GRK4: variants seen among roughly 807,000 people sequenced by gnomAD.
GRK4 encodes G protein-coupled receptor kinase 2-like.
GRK4 carries 73 observed loss-of-function variants against 77.9 expected under a neutral mutation model. The ratio of observed to expected loss-of-function variants is 0.94; its 90% CI spans 0.78 to 1.14. The LOEUF (loss-of-function observed/expected upper bound fraction) is 1.14, where lower values mean the gene tolerates loss of function less well. Ranked by LOEUF, GRK4 falls within the 50% of genes most tolerant of loss-of-function variation. The pLI, the probability that GRK4 is intolerant of heterozygous loss-of-function variation, is 0.00. For missense variants in GRK4, 729 were observed against 700.2 expected, an observed-to-expected ratio of 1.04 and a Z score of -0.46; for synonymous variants, 257 against 254.4, an observed-to-expected ratio of 1.01 and a Z score of -0.10.
At chr4:3,038,114 G>A (rs1035991598) in intron 14 of GRK4, among the ~76,000 whole-genome samples, 4 of 152,176 alleles carry the variant, frequency 2.6e-5, no homozygotes, top group Non-Finnish European at 4.4e-5. Context: ...CCTAAGCAGG[G>A]CTGGCTGGCA....
intron 1 of GRK4, among the ~76,000 whole-genome samples, chr4:2,972,480 G>C (rs1033672732): frequency 6.6e-6 from 1 of 152,160 alleles, no homozygotes; most frequent in Non-Finnish European, 1.5e-5. Flanking sequence ...CTGAATGAGG[G>C]GTAGAGTGGC....
rs55673089 is a variant in GRK4 at position 3,001,369 on chromosome 4, ATT to A, written c.340-2849_340-2848del. ...CACACACACACATATATATATATAT[ATT>A]TTTTTTTTTTTTGAGATGGAGTTTC... On this transcript the variant is annotated intron_variant, in intron 4 of 15. Transcript: ENST00000398052. Among the ~76,000 whole-genome samples, 188 of 76,932 alleles carry A rather than the reference ATT, an allele frequency of 2.4e-3. 4 individuals carry two copies. The highest frequency in any genetic ancestry group is 4.8e-3 in the African/African-American group (77 of 16,010). 50.5% of individuals were successfully genotyped at this position (76,932 alleles called of 152,430 possible). A position where few individuals can be genotyped will look rare whatever the true frequency, so the allele number is the denominator to read the frequency against.
Position 3,022,435 on chromosome 4 carries a change from T to C in GRK4, c.954T>C (p.Ile318=). Residue 318 remains isoleucine, a synonymous_variant, in exon 10 of 16, where the codon ATT becomes ATC. Transcript: ENST00000398052. ...IVYRDLKPEN[I]LLDDRGHIRI... ...GTAGAGACTTGAAGCCTGAGAATAT[T>C]CTCCTTGATGATCGTGGTAAGTGGG... 1 of 1,614,008 alleles carries C rather than the reference T, an allele frequency of 6.2e-7. No homozygotes were observed. Among genetic ancestry groups the C allele is most frequent in the Non-Finnish European group, 8.5e-7 (1 of 1,179,984 alleles).
At chr4:3,037,083 A>G (rs2071690) in intron 13 of GRK4, among the ~76,000 whole-genome samples, 240 of 139,746 alleles carry the variant, frequency 1.7e-3, no homozygotes, top group South Asian at 3.7e-3. Context: ...GTGTGTGTGT[A>G]TGTGTGTGTG....
chr4:3,015,898 A>ATCTC (rs1293547218), intron 8 of GRK4, among the ~76,000 whole-genome samples: 1 of 131,528 alleles, frequency 7.6e-6, no homozygotes, highest in Non-Finnish European at 1.6e-5. Flanking sequence ...ACATAGGGAG[A>ATCTC]CCCCCATCAC....
At chr4:3,015,633 CCACTG>C (rs1734222603) in intron 8 of GRK4, among the ~76,000 whole-genome samples, 2 of 150,664 alleles carry the variant, frequency 1.3e-5, no homozygotes, top group Non-Finnish European at 3.0e-5. Context: ...CAAGATCACG[CCACTG>C]CACTCCAGCC....
At chr4:3,014,492 T>G (rs1369091064) in intron 8 of GRK4, among the ~76,000 whole-genome samples, 1 of 151,748 alleles carries the variant, frequency 6.6e-6, no homozygotes, top group Non-Finnish European at 1.5e-5. Flanking sequence ...TTATTCTTAT[T>G]TTTTAGAGAT....
At chr4:2,990,414 A>G (rs1418604417) in intron 3 of GRK4, among the ~76,000 whole-genome samples, 1 of 151,596 alleles carries the variant, frequency 6.6e-6, no homozygotes, top group Admixed American at 6.6e-5. Flanking sequence ...GTGCCACCAC[A>G]CCCAACTAAT....
intron 15 of GRK4, 148 bp from the exon 16 acceptor site, chr4:3,040,424 G>C: frequency 1.7e-6 from 1 of 594,818 alleles, no homozygotes; most frequent in Non-Finnish European, 2.9e-6. Flanking sequence ...CTGGGCGACA[G>C]AGTGAGACTA....
intron 10 of GRK4, among the ~76,000 whole-genome samples, chr4:3,026,567 A>G (rs1737637485): frequency 6.6e-6 from 1 of 152,164 alleles, no homozygotes; most frequent in Non-Finnish European, 1.5e-5. Flanking sequence ...CTGTCTCTAC[A>G]AAAGAAAAGA....
intron 5 of GRK4, among the ~76,000 whole-genome samples, chr4:3,006,295 G>A (rs868169323): frequency 2.7e-5 from 4 of 149,894 alleles, no homozygotes; most frequent in Admixed American, 6.7e-5. Flanking sequence ...CGGGAGAATC[G>A]CCTGAACCCA....
At chr4:3,004,199 A>G in intron 4 of GRK4, 32 bp from the exon 5 acceptor site, 1 of 1,381,300 alleles carries the variant, frequency 7.2e-7, no homozygotes, top group Non-Finnish European at 1.0e-6. Context: ...GAAATCACTA[A>G]TGGTTATGTA....
intron 1 of GRK4, among the ~76,000 whole-genome samples, chr4:2,967,922 C>G (rs1223869752): frequency 6.6e-6 from 1 of 152,046 alleles, no homozygotes. Context: ...TCCCGAGTAG[C>G]TGGGATTACA....
chr4:2,989,752 A>G (rs528006589), intron 3 of GRK4, among the ~76,000 whole-genome samples: 4 of 152,362 alleles, frequency 2.6e-5, no homozygotes, highest in South Asian at 2.1e-4. Flanking sequence ...GGAATTTACT[A>G]TGCTCAAGAA....
At chr4:3,006,677 G>A (rs2109848457) in intron 5 of GRK4, among the ~76,000 whole-genome samples, 1 of 152,290 alleles carries the variant, frequency 6.6e-6, no homozygotes, top group South Asian at 2.1e-4. Flanking sequence ...AGAAGGCTGA[G>A]GTGGGAGGAT....
chr4:2,967,646 A>T (rs915994538), intron 1 of GRK4, among the ~76,000 whole-genome samples: 2 of 151,826 alleles, frequency 1.3e-5, no homozygotes, highest in Non-Finnish European at 2.9e-5. Context: ...TGATTCGCCC[A>T]CCTCAGCCTC....
chr4:3,009,772 G>A, intron 7 of GRK4, 61 bp downstream of exon 7: 1 of 1,255,798 alleles, frequency 8.0e-7, no homozygotes, highest in Non-Finnish European at 1.2e-6. Flanking sequence ...AAGGTCCTGA[G>A]AACATGGCTT....
intron 5 of GRK4, among the ~76,000 whole-genome samples, chr4:3,006,149 G>C (rs574806027): frequency 6.6e-6 from 1 of 152,268 alleles, no homozygotes; most frequent in East Asian, 1.9e-4. Flanking sequence ...GGAGGCCGAC[G>C]TGGGTGGATC....
At chr4:2,976,631 CTTT>C (rs769469513) in intron 1 of GRK4, among the ~76,000 whole-genome samples, 2 of 117,336 alleles carry the variant, frequency 1.7e-5, no homozygotes, top group South Asian at 2.7e-4. Flanking sequence ...TTCTTTCTTT[CTTT>C]TTTTTTTTTT....
Sources: allele counts gnomAD v4.1 joint callset (sites outside exome capture counted in the v4.1 genomes callset), GRCh38; gene constraint gnomAD v4.1.1; transcripts MANE v1.5; gene names NCBI Gene and HGNC (gene_info 2026-07-23, HGNC 2026-07-21).